Variants in MTRR observed in about 807,000 individuals in gnomAD.
The protein encoded by MTRR is 5-methyltetrahydrofolate-homocysteine methyltransferase reductase.
MTRR carries 63 observed loss-of-function variants against 79.2 expected under a neutral mutation model. The ratio of observed to expected loss-of-function variants is 0.80; its 90% CI spans 0.65 to 0.98. The LOEUF is 0.98. Ranked by LOEUF, MTRR falls within the 50% of genes least tolerant of loss-of-function variation. The pLI, the probability that MTRR is intolerant of heterozygous loss-of-function variation, is 0.00. For missense variants in MTRR, 895 were observed against 839.6 expected (o/e 1.07, Z -0.82); for synonymous variants, 355 against 313.3 (o/e 1.13, Z -1.41).
chr5:7,880,018 C>G (rs993206495), intron 5 of MTRR, among the ~76,000 whole-genome samples: 6 of 152,230 alleles, frequency 3.9e-5, no homozygotes, highest in Admixed American at 3.9e-4. Context: ...CTGCTTCTCT[C>G]TAGAAGTGAG....
intron 1 of MTRR, chr5:7,861,514 GA>G: frequency 8.7e-7 from 1 of 1,149,642 alleles, no homozygotes; most frequent in Admixed American, 3.1e-5. Flanking sequence ...ACCTTCTTGA[GA>G]AAAAGATACC....
At chr5:7,886,529 C>T (rs79408444) in intron 7 of MTRR, 86 bp from the exon 8 acceptor site, 1 of 1,032,864 alleles carries the variant, frequency 9.7e-7, no homozygotes, top group Non-Finnish European at 1.5e-6. Flanking sequence ...TAAAGTACTA[C>T]AGTAATTGTG....
intron 14 of MTRR, among the ~76,000 whole-genome samples, chr5:7,899,522 G>T (rs1389938472): frequency 6.6e-6 from 1 of 152,224 alleles, no homozygotes; most frequent in Admixed American, 6.5e-5. Flanking sequence ...GTGTGCGAGA[G>T]ATCTGGTTCC....
chr5:7,890,820 G>A (rs559338675), intron 9 of MTRR, among the ~76,000 whole-genome samples: 27 of 152,142 alleles, frequency 1.8e-4, no homozygotes, highest in Non-Finnish European at 3.1e-4. Context: ...GAATACCTAC[G>A]TATTTTGAAA....
chr5:7,894,057 A>T (rs1738091678), intron 11 of MTRR, among the ~76,000 whole-genome samples: 1 of 152,192 alleles, frequency 6.6e-6, no homozygotes, highest in Non-Finnish European at 1.5e-5. Context: ...TCCATCATGT[A>T]TCGTAAACAC....
intron 5 of MTRR, among the ~76,000 whole-genome samples, chr5:7,880,857 T>A (rs1336137400): frequency 6.6e-6 from 1 of 152,162 alleles, no homozygotes; most frequent in Non-Finnish European, 1.5e-5. Flanking sequence ...ATGCTTTGGG[T>A]CCCTGGGTAA....
Position 7,899,937 on chromosome 5 carries a change from A to G in MTRR, c.1976A>G (p.Asp659Gly), listed in dbSNP as rs1739210256. The G allele has an allele frequency of 4.3e-6, 7 of 1,614,034 alleles. No homozygotes were observed. The highest frequency in any genetic ancestry group is 1.3e-5 in the African/African-American group (1 of 74,920). ...AGAGATGCAAAGAATATGGCCAAGGATGTACATGATGCCCTTGTGCAAATA... is the reference window on the plus strand; with the variant it reads ...AGAGATGCAAAGAATATGGCCAAGGGTGTACATGATGCCCTTGTGCAAATA... ...VCGDAKNMAKDVHDALVQIIS... is the reference protein window; with the variant it reads ...VCGDAKNMAKGVHDALVQIIS... Residue 659 changes from aspartate to glycine, a missense_variant, in exon 15 of 15, where the codon GAT (aspartate) becomes GGT (glycine). Physicochemically the swap from Asp to Gly is moderately conservative, Grantham distance 94. Coordinates refer to ENST00000440940, the MANE Select transcript of MTRR (RefSeq NM_002454.3).
intron 1 of MTRR, chr5:7,861,658 G>A: frequency 6.2e-7 from 1 of 1,607,340 alleles, no homozygotes; most frequent in Non-Finnish European, 8.5e-7. Context: ...AACATCTGGT[G>A]AGAGAAGAAA....
At chr5:7,890,644 A>G (rs1449182392) in intron 9 of MTRR, among the ~76,000 whole-genome samples, 1 of 152,172 alleles carries the variant, frequency 6.6e-6, no homozygotes, top group African/African-American at 2.4e-5. Flanking sequence ...ACACCCTACT[A>G]AACCTTATTT....
At chr5:7,894,737 C>T (rs565036341) in intron 11 of MTRR, among the ~76,000 whole-genome samples, 21 of 152,276 alleles carry the variant, frequency 1.4e-4, no homozygotes, top group East Asian at 3.9e-4. Flanking sequence ...AAGTCATTAC[C>T]CATCATTCTG....
At chr5:7,866,772 T>C, upstream of MTRR, 10 of 1,614,094 alleles carry the variant, frequency 6.2e-6, no homozygotes, top group Non-Finnish European at 8.5e-6. Context: ...TTGAAATGAG[T>C]GAATAGCACG....
chr5:7,879,165 A>G (rs572610989), intron 5 of MTRR, among the ~76,000 whole-genome samples: 60 of 152,170 alleles, frequency 3.9e-4, no homozygotes, highest in African/African-American at 1.3e-3. Context: ...TTGCACTTGT[A>G]CTTCATTATT....
rs1748312474 is a variant in MTRR, at chr5:7,873,263, GGAA to G, written c.130-104_130-102del. On this transcript the variant is annotated intron_variant, in intron 2 of 14. Transcript: ENST00000440940. The stretch of plus-strand genomic sequence containing the variant: ...CTGGTCGTCTCAAAAAAACTGGCAA[GGAA>G]GAAGATTGAAATACAAGACAGGAAA... The G allele has an allele frequency of 4.2e-6, 6 of 1,422,248 alleles. No homozygotes were observed. The African/African-American group carries it at 4.2e-5, about 10-fold the overall frequency. 88.1% of individuals were successfully genotyped at this position (1,422,248 alleles called of 1,614,324 possible). A position where few individuals can be genotyped will look rare whatever the true frequency, so the allele number is the denominator to read the frequency against.
intron 1 of MTRR, 43 bp from the exon 2 acceptor site, chr5:7,870,727 A>G: frequency 6.3e-7 from 1 of 1,599,856 alleles, no homozygotes; most frequent in Non-Finnish European, 8.6e-7. Context: ...TTAGGTTGTT[A>G]CTGCTTCATT....
chr5:7,859,673 C>T (rs966095332), intron 1 of MTRR: 2 of 554,458 alleles, frequency 3.6e-6, no homozygotes, highest in Non-Finnish European at 6.3e-6. Context: ...AATATCCCAA[C>T]CAGCTTCTTC....
chr5:7,867,095 G>C (rs767480998), upstream of MTRR: 5 of 1,614,176 alleles, frequency 3.1e-6, no homozygotes, highest in South Asian at 5.5e-5. Context: ...CTCCTCGTTA[G>C]TGAAATGTGG....
At chr5:7,861,145 G>A (rs375912246) in intron 1 of MTRR, 18 of 1,557,222 alleles carry the variant, frequency 1.2e-5, no homozygotes, top group African/African-American at 6.8e-5. Flanking sequence ...AGGTGAAACC[G>A]TACCTGAACA....
chr5:7,895,239 G>A lies in MTRR; in HGVS notation c.1558-495G>A, dbSNP rs563649148. On this transcript the variant is annotated intron_variant, in intron 11 of 14. Transcript: ENST00000440940. ...TTTAGTTATAACAAAAATAATTCTGGGTAATATTGGACCCAGAATAGCAAA... is the reference window on the plus strand; with the variant it reads ...TTTAGTTATAACAAAAATAATTCTGAGTAATATTGGACCCAGAATAGCAAA... 1.8e-3 allele frequency among the ~76,000 whole-genome samples: 273 copies of A among 152,160 alleles called. 1 individual carries two copies. The highest frequency in any genetic ancestry group is 6.4e-3 in the African/African-American group (267 of 41,524).
At chr5:7,869,061 C>G (rs993380528), upstream of MTRR, 17 of 1,554,748 alleles carry the variant, frequency 1.1e-5, no homozygotes, top group Middle Eastern at 3.4e-4. Context: ...GGGGCGGGAG[C>G]ACGACTCAGG....
Sources: allele counts gnomAD v4.1 joint callset (sites outside exome capture counted in the v4.1 genomes callset), GRCh38; gene constraint gnomAD v4.1.1; transcripts MANE v1.5; gene names NCBI Gene and HGNC (gene_info 2026-07-23, HGNC 2026-07-21).